Variants in NTM observed in about 807,000 individuals in gnomAD.
NTM encodes the protein neurotrimin.
NTM carries 13 observed loss-of-function variants against 42.1 expected under a neutral mutation model. The ratio of observed to expected loss-of-function variants is 0.31; its 90% confidence interval spans 0.20 to 0.49. The LOEUF is 0.49. Ranked by LOEUF, NTM falls within the 20% of genes least tolerant of loss-of-function variation. The probability of loss-of-function intolerance (pLI) is 0.99; values close to 1 mark genes in which losing one functional copy is unlikely to be tolerated. For synonymous variants in NTM, 187 were observed against 179.2 expected, an observed-to-expected ratio of 1.04 and a Z score of -0.35; for missense variants, 373 against 452.8, an observed-to-expected ratio of 0.82 and a Z score of 1.60.
chr11:131,583,888 T>C (rs2058631105), intron 1 of NTM, among the ~76,000 whole-genome samples: 1 of 152,082 alleles, frequency 6.6e-6, no homozygotes, highest in Admixed American at 6.5e-5. Flanking sequence ...TGGATATGAG[T>C]CCACTATCAA....
chr11:131,951,164 T>C (rs1222298873), intron 2 of NTM, among the ~76,000 whole-genome samples: 4 of 152,112 alleles, frequency 2.6e-5, no homozygotes, highest in African/African-American at 9.7e-5. Context: ...AAATCACTAG[T>C]GTTGAAAGGA....
chr11:131,859,378 T>C (rs1263027663), intron 1 of NTM, among the ~76,000 whole-genome samples: 2 of 152,222 alleles, frequency 1.3e-5, no homozygotes, highest in Admixed American at 6.5e-5. Context: ...CTTGGTACGG[T>C]TGACTTTCCC....
chr11:131,686,445 A>G (rs2073883928), intron 1 of NTM, among the ~76,000 whole-genome samples: 2 of 152,236 alleles, frequency 1.3e-5, no homozygotes, highest in African/African-American at 2.4e-5. Context: ...TGTATTTACT[A>G]TTAATCAAAT....
chr11:131,714,471 G>A lies in NTM; in HGVS notation c.83-197093G>A, dbSNP rs989513286. ...CTCCCAAATTGTTGGGATTACAGATGTGAGCCACCACAACCAGCCAAGATT... is the reference window on the plus strand; with the variant it reads ...CTCCCAAATTGTTGGGATTACAGATATGAGCCACCACAACCAGCCAAGATT... On this transcript the variant is annotated intron_variant, in intron 1 of 8. Transcript: ENST00000683400. 2.0e-5 allele frequency among the ~76,000 whole-genome samples: 3 copies of A among 152,132 alleles called. No individual in the cohort carries two copies. The East Asian group carries it at 5.8e-4, about 29-fold the overall frequency.
intron 1 of NTM, chr11:131,794,454 G>C: frequency 1.0e-6 from 1 of 984,864 alleles, no homozygotes; most frequent in Non-Finnish European, 1.2e-6. Flanking sequence ...CACATGAGGC[G>C]TTTGCCTTTC....
intron 1 of NTM, among the ~76,000 whole-genome samples, chr11:131,696,521 A>G (rs57306185): frequency 0.11 from 16,221 of 152,162 alleles, 2,843 homozygotes; most frequent in African/African-American, 0.36. Flanking sequence ...GACTCTTTCC[A>G]GAGAGTCATT....
intron 1 of NTM, among the ~76,000 whole-genome samples, chr11:131,476,999 C>T (rs1468956734): frequency 6.6e-6 from 1 of 152,054 alleles, no homozygotes; most frequent in Non-Finnish European, 1.5e-5. Context: ...ACCCCGCACC[C>T]CGTGTTTTAA....
chr11:131,732,418 C>G (rs976000494), intron 1 of NTM, among the ~76,000 whole-genome samples: 7 of 152,194 alleles, frequency 4.6e-5, no homozygotes, highest in Admixed American at 3.9e-4. Flanking sequence ...CTTCCACCCT[C>G]TACCCCTTCT....
intron 1 of NTM, among the ~76,000 whole-genome samples, chr11:131,629,521 T>C (rs2063453459): frequency 6.6e-6 from 1 of 152,188 alleles, no homozygotes; most frequent in Non-Finnish European, 1.5e-5. Context: ...ATATATTGAA[T>C]AATTGGCTGG....
chr11:131,650,669 G>T (rs2134332139), intron 1 of NTM, among the ~76,000 whole-genome samples: 1 of 152,238 alleles, frequency 6.6e-6, no homozygotes, highest in South Asian at 2.1e-4. Flanking sequence ...GAAGGGCTCT[G>T]TTGAGGGATA....
At chr11:131,879,995 A>G (rs1292983516) in intron 1 of NTM, among the ~76,000 whole-genome samples, 1 of 152,192 alleles carries the variant, frequency 6.6e-6, no homozygotes, top group Non-Finnish European at 1.5e-5. Context: ...ATTACAATAG[A>G]TTTTACTGCA....
intron 1 of NTM, among the ~76,000 whole-genome samples, chr11:131,869,907 T>C (rs2047602987): frequency 6.6e-6 from 1 of 152,208 alleles, no homozygotes; most frequent in Admixed American, 6.5e-5. Context: ...TGGTACAGCT[T>C]TAAGTCAGCC....
intron 4 of NTM, among the ~76,000 whole-genome samples, chr11:132,294,996 CTT>C (rs2094563825): frequency 6.6e-6 from 1 of 152,140 alleles, no homozygotes; most frequent in Non-Finnish European, 1.5e-5. Flanking sequence ...TGGCTCTTCT[CTT>C]ATTAATTCCA....
At chr11:132,247,444 A>AAGCAATC (rs2091340337) in intron 4 of NTM, among the ~76,000 whole-genome samples, 2 of 152,234 alleles carry the variant, frequency 1.3e-5, no homozygotes, top group Admixed American at 1.3e-4. Context: ...CAGTGAGGAA[A>AAGCAATC]TATATACGTG....
At chr11:131,533,311 A>C (rs1474114389) in intron 1 of NTM, among the ~76,000 whole-genome samples, 1 of 152,144 alleles carries the variant, frequency 6.6e-6, no homozygotes, top group Non-Finnish European at 1.5e-5. Context: ...TCACACCCAC[A>C]TGTTCCTAGT....
chr11:132,178,544 G>A (rs1247457905), intron 3 of NTM, among the ~76,000 whole-genome samples: 3 of 152,002 alleles, frequency 2.0e-5, no homozygotes, highest in African/African-American at 7.3e-5. Context: ...AATTTATTGG[G>A]GAAATGGTGA....
intron 4 of NTM, among the ~76,000 whole-genome samples, chr11:132,264,469 A>T (rs1783844506): frequency 1.3e-5 from 2 of 152,122 alleles, no homozygotes; most frequent in Admixed American, 1.3e-4. Flanking sequence ...CTTTTACTTT[A>T]TTTTATAGTA....
intron 2 of NTM, among the ~76,000 whole-genome samples, chr11:132,076,340 A>C (rs1243127675): frequency 2.0e-5 from 3 of 152,184 alleles, no homozygotes; most frequent in African/African-American, 7.2e-5. Flanking sequence ...CCAGATCTGC[A>C]GGTGGTTGGG....
chr11:132,217,254 T>G (rs2084039429), intron 4 of NTM, among the ~76,000 whole-genome samples: 1 of 152,076 alleles, frequency 6.6e-6, no homozygotes, highest in South Asian at 2.1e-4. Flanking sequence ...TCCTTATAGG[T>G]TAACTAAAGA....
Sources: gnomAD v4.1 joint callset for allele counts (sites outside exome capture counted in the v4.1 genomes callset) on GRCh38, gnomAD v4.1.1 for gene constraint, MANE v1.5 for transcripts, NCBI Gene and HGNC (gene_info 2026-07-23, HGNC 2026-07-21) for gene names.